Variants in TENM3 observed in about 807,000 individuals in gnomAD.
TENM3 encodes teneurin transmembrane protein 3, also known as teneurin-3.
Under a neutral mutation model 255.1 loss-of-function variants are expected in TENM3, and 63 were observed. That is an observed-to-expected ratio of 0.25 (90% CI 0.20 to 0.30). The LOEUF (loss-of-function observed/expected upper bound fraction) is 0.30, where lower values mean the gene tolerates loss of function less well. Ranked by LOEUF, TENM3 falls within the 10% of genes least tolerant of loss-of-function variation. The pLI is 1.00. For synonymous variants in TENM3, 1,306 were observed against 1,322.3 expected (o/e 0.99, Z 0.27); for missense variants, 2,929 against 3,461.1 (o/e 0.85, Z 3.86).
At chr4:181,854,784 G>A in the TENM3 span, among the ~76,000 whole-genome samples, 8 of 152,152 alleles carry the variant, frequency 5.3e-5, no homozygotes, top group Admixed American at 2.6e-4. Context: ...ATTTATGAAG[G>A]ATCACAAAAT....
At chr4:182,094,818 G>C in the TENM3 span, among the ~76,000 whole-genome samples, 215 of 152,026 alleles carry the variant, frequency 1.4e-3, 1 homozygote, top group African/African-American at 4.8e-3. Flanking sequence ...GCAGAAATGA[G>C]ATGACAGGCT....
the TENM3 span, among the ~76,000 whole-genome samples, chr4:182,044,683 C>T: frequency 1.3e-5 from 2 of 151,666 alleles, no homozygotes; most frequent in African/African-American, 4.9e-5. Context: ...TTAGCCAAGG[C>T]TATCATTTTT....
chr4:182,133,724 C>T, the TENM3 span, among the ~76,000 whole-genome samples: 2 of 152,118 alleles, frequency 1.3e-5, no homozygotes, highest in Non-Finnish European at 2.9e-5. Context: ...ATACTCTCAC[C>T]CTCTTCGTTT....
At chr4:182,614,316 T>C (rs1193053142) in intron 4 of TENM3, among the ~76,000 whole-genome samples, 2 of 152,172 alleles carry the variant, frequency 1.3e-5, no homozygotes, top group Non-Finnish European at 2.9e-5. Flanking sequence ...AATACCTTTA[T>C]ATTAGAAAGA....
chr4:182,087,696 C>T, the TENM3 span, among the ~76,000 whole-genome samples: 2 of 151,094 alleles, frequency 1.3e-5, no homozygotes, highest in Non-Finnish European at 2.9e-5. Context: ...GCTCTCCATT[C>T]GGGGACACTT....
chr4:182,023,898 C>G, the TENM3 span, among the ~76,000 whole-genome samples: 7 of 152,234 alleles, frequency 4.6e-5, no homozygotes, highest in Non-Finnish European at 8.8e-5. Context: ...TAGAAGAATT[C>G]CAGGACCCAT....
chr4:181,827,178 T>C, the TENM3 span, among the ~76,000 whole-genome samples: 8 of 152,106 alleles, frequency 5.3e-5, no homozygotes, highest in South Asian at 8.3e-4. Flanking sequence ...CCCAACTGAT[T>C]GTGTCTGTTA....
At chr4:182,157,974 T>C (rs1750826893) in intron 1 of TENM3, among the ~76,000 whole-genome samples, 1 of 152,244 alleles carries the variant, frequency 6.6e-6, no homozygotes, top group South Asian at 2.1e-4. Context: ...TTGTCCTTTT[T>C]TTCCCCATTT....
chr4:182,460,295 A>G (rs1056162133), intron 3 of TENM3, among the ~76,000 whole-genome samples: 11 of 152,174 alleles, frequency 7.2e-5, no homozygotes, highest in Non-Finnish European at 1.5e-4. Flanking sequence ...TTCTATGTAT[A>G]TTAGACTTAT....
chr4:182,137,335 C>T, the TENM3 span, among the ~76,000 whole-genome samples: 3 of 76,362 alleles, frequency 3.9e-5, no homozygotes, highest in Non-Finnish European at 1.0e-4. Context: ...CTGCCACCTC[C>T]CCCCCCCCAA....
At chr4:182,338,321 G>A (rs75035705) in intron 2 of TENM3, among the ~76,000 whole-genome samples, 3,973 of 152,242 alleles carry the variant, frequency 0.026, 75 homozygotes, top group Non-Finnish European at 0.041. Flanking sequence ...CTGGATAAAG[G>A]CATTTTGCCC....
intron 3 of TENM3, among the ~76,000 whole-genome samples, chr4:182,476,843 A>G (rs191527007): frequency 4.6e-5 from 7 of 152,312 alleles, no homozygotes; most frequent in Admixed American, 2.0e-4. Context: ...CATTACTGAC[A>G]TTGGTTTTGA....
chr4:181,779,676 T>C, the TENM3 span, among the ~76,000 whole-genome samples: 1 of 152,146 alleles, frequency 6.6e-6, no homozygotes, highest in Non-Finnish European at 1.5e-5. Context: ...CTAGGGTACA[T>C]GTACACAATG....
intron 1 of TENM3, among the ~76,000 whole-genome samples, chr4:182,252,194 A>G (rs183832082): frequency 1.3e-5 from 2 of 151,820 alleles, no homozygotes; most frequent in Admixed American, 6.6e-5. Flanking sequence ...AAAAAAAAAA[A>G]CAACAAAAAA....
At chr4:181,647,886 G>A in the TENM3 span, among the ~76,000 whole-genome samples, 1 of 152,154 alleles carries the variant, frequency 6.6e-6, no homozygotes, top group Non-Finnish European at 1.5e-5. Flanking sequence ...TAATTCCATC[G>A]AGGTGTTTGG....
chr4:181,859,515 T>C, the TENM3 span, among the ~76,000 whole-genome samples: 1 of 152,168 alleles, frequency 6.6e-6, no homozygotes, highest in Non-Finnish European at 1.5e-5. Flanking sequence ...GTGGTTCTCA[T>C]CATTATGAGT....
intron 4 of TENM3, among the ~76,000 whole-genome samples, chr4:182,612,839 T>C (rs1354673372): frequency 1.3e-5 from 2 of 152,200 alleles, no homozygotes; most frequent in Non-Finnish European, 1.5e-5. Flanking sequence ...TTCAGTAAGC[T>C]TCACTGAAGC....
the TENM3 span, among the ~76,000 whole-genome samples, chr4:181,470,996 A>G: frequency 0.017 from 2,524 of 147,782 alleles, 66 homozygotes; most frequent in African/African-American, 0.06. Flanking sequence ...TTTTTTTCTT[A>G]AGAAAATAGA....
In TENM3 at chr4:182,324,013, A is replaced by T; in HGVS notation, c.-8A>T. 1 of 1,612,086 alleles carries T rather than the reference A, an allele frequency of 6.2e-7. No homozygotes were observed. The highest frequency in any genetic ancestry group is 8.5e-7 in the Non-Finnish European group (1 of 1,178,786). On this transcript the variant is annotated 5_prime_UTR_variant, in exon 2 of 28. Transcript: ENST00000511685. The stretch of plus-strand genomic sequence containing the variant: ...GCAGGACTGATGTGCACACAGAAGG[A>T]ATGAAGTATGGATGTGAAAGAACGC...
Sources: allele counts gnomAD v4.1 joint callset (sites outside exome capture counted in the v4.1 genomes callset), GRCh38; gene constraint gnomAD v4.1.1; transcripts MANE v1.5; gene names NCBI Gene and HGNC (gene_info 2026-07-23, HGNC 2026-07-21).